The following LPIN3 variants were observed in gnomAD, a reference collection of about 807,000 sequenced individuals.
LPIN3 encodes the protein lipin 3, also known as phosphatidate phosphatase LPIN3.
LPIN3 carries 82 observed loss-of-function variants against 94.7 expected under a neutral mutation model. The ratio of observed to expected loss-of-function variants is 0.87; its 90% confidence interval spans 0.72 to 1.04. LPIN3 has a LOEUF of 1.04. LPIN3 is among the 50% of genes least tolerant of loss of function. LPIN3 has a pLI of 0.00. For synonymous variants in LPIN3, 418 were observed against 443.3 expected (o/e 0.94, Z 0.72); for missense variants, 996 against 1,090.5 (o/e 0.91, Z 1.22).
In LPIN3 at chr20:41,351,915, C is replaced by T; in HGVS notation, c.1197C>T (p.Pro399=). 1 of 1,614,218 alleles carries T rather than the reference C, an allele frequency of 6.2e-7. No homozygotes were observed. Among genetic ancestry groups the T allele is most frequent in the Non-Finnish European group, 8.5e-7 (1 of 1,180,036 alleles). Residue 399 remains proline, a synonymous_variant, in exon 8 of 20, where the codon CCC becomes CCT. Transcript: ENST00000373257. ...CTGAGAATGCAGCGCTTTACTTCCC[C>T]CAAAGGTGCCTGGGTTCTGGATGCC... ...LDSENAALYF[P]QSDSGLGARR...
chr20:41,346,109 C>G, intron 2 of LPIN3, 114 bp downstream of exon 2: 2 of 1,055,344 alleles, frequency 1.9e-6, no homozygotes, highest in South Asian at 1.6e-5. Flanking sequence ...GATCTGTCCT[C>G]TGGACAGGCT....
rs542110634 is a variant in LPIN3, at chr20:41,349,808, G to A, written c.673G>A (p.Asp225Asn). ...AGGTGAGCTAACATCCCCTAAGAGC[G>A]ACTCGGAGCTGGAGGTGCGGACCCC... ...SAGELTSPKSDSELEVRTPEP... is the reference protein window; with the variant it reads ...SAGELTSPKSNSELEVRTPEP... The change falls in exon 6 of 20, where the codon GAC becomes AAC. Residue 225 changes from aspartate (D) to asparagine (N), a missense_variant. Asp to Asn is a conservative substitution (Grantham distance 23). Transcript: ENST00000373257. 5.6e-6 allele frequency: 9 copies of A among 1,613,560 alleles called. No individual in the cohort carries two copies. In the South Asian group the frequency reaches 7.7e-5, roughly 14 times the overall value.
In LPIN3 at chr20:41,357,153, G is replaced by C. The variant is rs765714191; in HGVS notation, c.1917G>C (p.Lys639Asn). 1.1e-5 allele frequency: 18 copies of C among 1,614,072 alleles called. No individual in the cohort carries two copies. Among genetic ancestry groups the C allele is most frequent in the Admixed American group, 5.0e-5 (3 of 60,006 alleles). The change falls in exon 15 of 20, where the codon AAG becomes AAC. Residue 639 changes from lysine (K) to asparagine (N), a missense_variant. Lys to Asn is a moderately conservative substitution (Grantham distance 94). Transcript: ENST00000373257. ...TCTACCTGTGGAAATGGGACGACAA[G>C]GTGGTCATCTCTGACATCGACGGCA... The part of the protein sequence containing the change: ...ATIYLWKWDD[K>N]VVISDIDGTI...
At chr20:41,356,769 C>T (rs1024926682) in intron 14 of LPIN3, among the ~76,000 whole-genome samples, 4 of 152,206 alleles carry the variant, frequency 2.6e-5, no homozygotes, top group Admixed American at 6.5e-5. Flanking sequence ...GTCATGGATG[C>T]GGCTTTGTGG....
rs1296593775 is a variant in LPIN3, at chr20:41,358,163, A to C, written c.2193-74A>C. 1.9e-6 allele frequency: 3 copies of C among 1,584,280 alleles called. No homozygotes were observed. The Admixed American group carries it at 5.1e-5, about 27-fold the overall frequency. Reference sequence around the variant, plus strand: ...GGAGGGTGGGGTCAGACCCCCCATCACCTGAGCCTGCCATCCCCTCTGGCT... The same window carrying C: ...GGAGGGTGGGGTCAGACCCCCCATCCCCTGAGCCTGCCATCCCCTCTGGCT... On this transcript the variant is annotated intron_variant, in intron 17 of 19. Coordinates refer to ENST00000373257, the MANE Select transcript of LPIN3 (RefSeq NM_022896.3).
chr20:41,349,570 C>A (rs1382196281), intron 5 of LPIN3, among the ~76,000 whole-genome samples: 1 of 135,622 alleles, frequency 7.4e-6, no homozygotes, highest in Non-Finnish European at 1.5e-5. Flanking sequence ...TCCCATCCTT[C>A]TTCTTACTGG....
chr20:41,350,491 G>A lies in LPIN3; in HGVS notation c.1102+94G>A, dbSNP rs529277294. The stretch of plus-strand genomic sequence containing the variant: ...TTCAAGTACATTTTGAGCACCTGCT[G>A]TGTGCTAGGTGCTGTTCTTGGCACC... On this transcript the variant is annotated intron_variant, in intron 7 of 19. Coordinates refer to ENST00000373257, the MANE Select transcript of LPIN3 (RefSeq NM_022896.3). The A allele has an allele frequency of 6.4e-5, 61 of 956,714 alleles. No homozygotes were observed. In the South Asian group the frequency reaches 1.0e-3, roughly 16 times the overall value. 59.3% of individuals were successfully genotyped at this position (956,714 alleles called of 1,614,324 possible).
At position 41,358,419 on chromosome 20, in the gene LPIN3, G is replaced by A; in HGVS notation, c.2308-20G>A. Reference sequence around the variant, plus strand: ...CTGCCTGCAGGCCTCCATTCCATGGGCCCCTCCTGTCTCCCACAGGATGTC... The same window carrying A: ...CTGCCTGCAGGCCTCCATTCCATGGACCCCTCCTGTCTCCCACAGGATGTC... On this transcript the variant is annotated intron_variant, in intron 18 of 19. Coordinates refer to ENST00000373257, the MANE Select transcript of LPIN3 (RefSeq NM_022896.3). The A allele has an allele frequency of 6.2e-7, 1 of 1,613,380 alleles. No homozygotes were observed. The highest frequency in any genetic ancestry group is 1.1e-5 in the South Asian group (1 of 91,058).
chr20:41,357,558 G>T, intron 16 of LPIN3, 111 bp downstream of exon 16: 1 of 963,942 alleles, frequency 1.0e-6, no homozygotes, highest in Non-Finnish European at 1.6e-6. Flanking sequence ...AGGCTGCCAG[G>T]GCAGGTGCCT....
In LPIN3 at chr20:41,358,744, G is replaced by A. The variant is rs767177501; in HGVS notation, c.2434G>A (p.Val812Ile). ...TAGGTATGAGCGGCTTGGTGAAGTG[G>A]TCGAGCTCCTCTTCCCACCTGTGGC... ...KSTYERLGEV[V>I]ELLFPPVARG... The change falls in exon 20 of 20, where the codon GTC (valine) becomes ATC (isoleucine). Residue 812 changes from valine to isoleucine, a missense_variant. Physicochemically the swap from Val to Ile is conservative, Grantham distance 29. Transcript: ENST00000373257. 1 of 1,614,016 alleles carries A rather than the reference G, an allele frequency of 6.2e-7. No individual in the cohort carries two copies. The highest frequency in any genetic ancestry group is 1.1e-5 in the South Asian group (1 of 91,036).
rs1475664075 is a variant in LPIN3, at chr20:41,358,026, C to T, written c.2184C>T (p.Ala728=). The part of the protein sequence containing the change: ...ILLSPSSLFS[A]LHREVIEKKP... ...TGTCTCCCAGCAGCCTCTTCTCTGCCCTCCACAGGTAACCACCCCTACACA... is the reference window on the plus strand; with the variant it reads ...TGTCTCCCAGCAGCCTCTTCTCTGCTCTCCACAGGTAACCACCCCTACACA... The change falls in exon 17 of 20, where the codon GCC becomes GCT. Residue 728 remains alanine (A), a synonymous_variant. Transcript: ENST00000373257. 1.9e-6 allele frequency: 3 copies of T among 1,602,382 alleles called. No individual in the cohort carries two copies. In the Admixed American group the frequency reaches 5.1e-5, roughly 27 times the overall value.
At chr20:41,352,891 C>T in intron 11 of LPIN3, 24 bp downstream of exon 11, 1 of 1,612,774 alleles carries the variant, frequency 6.2e-7, no homozygotes, top group Non-Finnish European at 8.5e-7. Context: ...CACCACTGCC[C>T]CTGCTGGGGA....
rs6029646 is a variant in LPIN3, at chr20:41,349,924, G to T, written c.759+30G>T. The T allele has an allele frequency of 0.32, 504,787 of 1,589,848 alleles. 92,453 individuals are homozygous for T. Among genetic ancestry groups the T allele is most frequent in the East Asian group, 0.83 (37,103 of 44,524 alleles). On this transcript the variant is annotated intron_variant, in intron 6 of 19. Transcript: ENST00000373257. The stretch of plus-strand genomic sequence containing the variant: ...GTCCCTCTGTATCAACCCCAGGCCC[G>T]GCCTTTCAGGGGCTCTGTGGCCCCC...
Position 41,356,568 on chromosome 20 carries a change from G to A in LPIN3, c.1804-472G>A, listed in dbSNP as rs144795644. ...TCAACTCAGGGCTTTGGTGGGAAGC[G>A]GCCCTGATCCTTCCCTATGGATCAA... On this transcript the variant is annotated intron_variant, in intron 14 of 19. Transcript: ENST00000373257. 3.1e-3 allele frequency among the ~76,000 whole-genome samples: 471 copies of A among 152,288 alleles called. 4 individuals carry two copies. Among genetic ancestry groups the A allele is most frequent in the African/African-American group, 0.01 (434 of 41,550 alleles).
At chr20:41,353,969 C>T (rs1431794076) in intron 11 of LPIN3, among the ~76,000 whole-genome samples, 1 of 152,164 alleles carries the variant, frequency 6.6e-6, no homozygotes, top group East Asian at 1.9e-4. Context: ...AGACCCCTAC[C>T]CCACCAGCCT....
In LPIN3 at chr20:41,347,008, T is replaced by C. The variant is rs187001516; in HGVS notation, c.193-544T>C. The stretch of plus-strand genomic sequence containing the variant: ...TGCTGTGAGGCTGCCTCCTAACCAA[T>C]TACTCAAACCCCCAAAGCCTCAGTT... On this transcript the variant is annotated intron_variant, in intron 2 of 19. Transcript: ENST00000373257. 1.3e-4 allele frequency among the ~76,000 whole-genome samples: 20 copies of C among 152,228 alleles called. No individual in the cohort carries two copies. The Middle Eastern group carries it at 0.014, about 104-fold the overall frequency.
chr20:41,346,635 G>A lies in LPIN3; in HGVS notation c.192+640G>A, dbSNP rs189448030. ...GGGCACCTGTAATCCCAGCCACTCC[G>A]GAGGCTGAGGCAGGAGAATCGCTTG... On this transcript the variant is annotated intron_variant, in intron 2 of 19. Transcript: ENST00000373257. 1.1e-4 allele frequency among the ~76,000 whole-genome samples: 17 copies of A among 152,304 alleles called. No individual in the cohort carries two copies. In the East Asian group the frequency reaches 1.2e-3, roughly 10 times the overall value.
chr20:41,350,320 C>G lies in LPIN3; in HGVS notation c.1025C>G (p.Ala342Gly). Residue 342 changes from alanine to glycine, a missense_variant, in exon 7 of 20, where the codon GCC becomes GGC. Ala to Gly is a moderately conservative substitution (Grantham distance 60). Coordinates refer to ENST00000373257, the MANE Select transcript of LPIN3 (RefSeq NM_022896.3). The part of the protein sequence containing the change: ...QSSGDMGLPP[A>G]SKSWSWATLE... ...TCTGGGGACATGGGCCTCCCTCCTGCCTCCAAGTCATGGAGCTGGGCCACT... is the reference window on the plus strand; with the variant it reads ...TCTGGGGACATGGGCCTCCCTCCTGGCTCCAAGTCATGGAGCTGGGCCACT... The G allele has an allele frequency of 6.2e-7, 1 of 1,611,426 alleles. No individual in the cohort carries two copies. The highest frequency in any genetic ancestry group is 8.5e-7 in the Non-Finnish European group (1 of 1,178,082).
intron 11 of LPIN3, among the ~76,000 whole-genome samples, chr20:41,353,998 C>G (rs1465553973): frequency 6.6e-6 from 1 of 152,162 alleles, no homozygotes; most frequent in Admixed American, 6.5e-5. Flanking sequence ...CTCAAGGGGG[C>G]CCCCTGGCTA....
Sources: allele counts gnomAD v4.1 joint callset (sites outside exome capture counted in the v4.1 genomes callset), GRCh38; gene constraint gnomAD v4.1.1; transcripts MANE v1.5; gene names NCBI Gene and HGNC (gene_info 2026-07-23, HGNC 2026-07-21).